Variants in EEFSEC observed in about 807,000 individuals in gnomAD.
The protein encoded by EEFSEC is eukaryotic elongation factor, selenocysteine-tRNA specific.
A neutral mutation model predicts 42.1 loss-of-function variants in EEFSEC; 43 were observed. The ratio of observed to expected loss-of-function variants is 1.02; its 90% CI spans 0.80 to 1.32. The LOEUF is 1.32. Ranked by LOEUF, EEFSEC falls within the 40% of genes most tolerant of loss-of-function variation. The probability of loss-of-function intolerance (pLI) is 0.00; values close to 1 mark genes in which losing one functional copy is unlikely to be tolerated. For missense variants in EEFSEC, 745 were observed against 803.6 expected, an observed-to-expected ratio of 0.93 and a Z score of 0.88; for synonymous variants, 354 against 339.1, an observed-to-expected ratio of 1.04 and a Z score of -0.48.
intron 1 of EEFSEC, among the ~76,000 whole-genome samples, chr3:128,209,264 G>C (rs1411635668): frequency 6.6e-6 from 1 of 152,220 alleles, no homozygotes; most frequent in East Asian, 1.9e-4. Context: ...GTGAGGTACA[G>C]TGTTTGTACT....
At position 128,317,490 on chromosome 3, in the gene EEFSEC, C is replaced by T. The variant is rs2066959874; in HGVS notation, c.787-23743C>T. On this transcript the variant is annotated intron_variant, in intron 4 of 6. Coordinates refer to ENST00000254730, the MANE Select transcript of EEFSEC (RefSeq NM_021937.5). This position sits in a 1 kb window ranked among gnomAD's most constrained non-coding sequence, Gnocchi z 4.1. Reference sequence around the variant, plus strand: ...AGGGCCCCTCTGGGGCTGGCGTCCTCTTCCTGTCATTACAGTTTGCTCCGA... The same window carrying T: ...AGGGCCCCTCTGGGGCTGGCGTCCTTTTCCTGTCATTACAGTTTGCTCCGA... 6.6e-6 allele frequency among the ~76,000 whole-genome samples: 1 copy of T among 152,254 alleles called. No individual in the cohort carries two copies. Among genetic ancestry groups the T allele is most frequent in the East Asian group, 1.9e-4 (1 of 5,198 alleles).
chr3:128,422,236 C>A, the EEFSEC span, among the ~76,000 whole-genome samples: 1 of 152,216 alleles, frequency 6.6e-6, no homozygotes, highest in Non-Finnish European at 1.5e-5. Context: ...CAGGGCAGGA[C>A]TGTCACCTCC....
chr3:128,386,305 G>A (rs2067837344), intron 6 of EEFSEC, among the ~76,000 whole-genome samples: 1 of 152,136 alleles, frequency 6.6e-6, no homozygotes, highest in Non-Finnish European at 1.5e-5. Context: ...ACCCTAGCAG[G>A]CTGCAGGCTA....
At chr3:128,376,225 G>T (rs898086727) in intron 6 of EEFSEC, among the ~76,000 whole-genome samples, 2 of 152,096 alleles carry the variant, frequency 1.3e-5, no homozygotes, top group African/African-American at 4.8e-5. Context: ...TTGGCACCAA[G>T]GATGCACCCT....
the EEFSEC span, among the ~76,000 whole-genome samples, chr3:128,422,156 G>T: frequency 2.6e-5 from 4 of 152,126 alleles, no homozygotes; most frequent in Non-Finnish European, 4.4e-5. Context: ...CAACTGCAGA[G>T]CCTGGGCCAG....
At chr3:128,155,376 G>T (rs1377795232) in intron 1 of EEFSEC, among the ~76,000 whole-genome samples, 1 of 152,122 alleles carries the variant, frequency 6.6e-6, no homozygotes, top group African/African-American at 2.4e-5. Context: ...CTCCCAAAGT[G>T]CTGGGATTAC....
intron 6 of EEFSEC, among the ~76,000 whole-genome samples, chr3:128,395,648 G>A (rs2067972320): frequency 6.6e-6 from 1 of 152,216 alleles, no homozygotes; most frequent in African/African-American, 2.4e-5. Flanking sequence ...CTCCCTCACA[G>A]GGGATCGTGG....
At chr3:128,311,463 T>C (rs911373883) in intron 4 of EEFSEC, among the ~76,000 whole-genome samples, 1 of 152,242 alleles carries the variant, frequency 6.6e-6, no homozygotes, top group East Asian at 1.9e-4. Context: ...CTAATGGGGC[T>C]AGCCCTCTAC....
At chr3:128,403,710 C>G (rs1391981224) in intron 6 of EEFSEC, among the ~76,000 whole-genome samples, 1 of 151,574 alleles carries the variant, frequency 6.6e-6, no homozygotes, top group Non-Finnish European at 1.5e-5. Flanking sequence ...TAGGAATTGT[C>G]ACTCAAATTC....
intron 1 of EEFSEC, among the ~76,000 whole-genome samples, chr3:128,200,624 G>C (rs2065634220): frequency 6.6e-6 from 1 of 152,234 alleles, no homozygotes; most frequent in Non-Finnish European, 1.5e-5. Flanking sequence ...TGTTTTTACA[G>C]ATCCCCAGCC....
intron 1 of EEFSEC, among the ~76,000 whole-genome samples, chr3:128,165,065 A>T (rs1259345178): frequency 6.6e-6 from 1 of 152,184 alleles, no homozygotes; most frequent in Non-Finnish European, 1.5e-5. Flanking sequence ...TTGGAGGGAG[A>T]TGAAAGAATG....
intron 4 of EEFSEC, among the ~76,000 whole-genome samples, chr3:128,284,973 G>C (rs1450609891): frequency 3.3e-5 from 5 of 152,056 alleles, no homozygotes; most frequent in Non-Finnish European, 7.4e-5. Flanking sequence ...CAGGGGAAGA[G>C]GGTAGGGAAT....
chr3:128,340,551 T>A (rs1477945703), intron 4 of EEFSEC, among the ~76,000 whole-genome samples: 1 of 152,160 alleles, frequency 6.6e-6, no homozygotes, highest in Non-Finnish European at 1.5e-5. Context: ...GAACAGTGCC[T>A]GGCACACAAT....
intron 4 of EEFSEC, among the ~76,000 whole-genome samples, chr3:128,328,166 G>C (rs11710627): frequency 0.14 from 21,791 of 152,198 alleles, 1,811 homozygotes; most frequent in African/African-American, 0.23. Flanking sequence ...CTTGCCCACA[G>C]CTCAGAGCTG....
chr3:128,400,458 A>G (rs1280410971), intron 6 of EEFSEC, among the ~76,000 whole-genome samples: 2 of 152,198 alleles, frequency 1.3e-5, no homozygotes, highest in African/African-American at 4.8e-5. Context: ...CCTGCCATTT[A>G]GGCTCCCAGC....
At chr3:128,287,429 A>C (rs979321082) in intron 4 of EEFSEC, among the ~76,000 whole-genome samples, 1 of 152,126 alleles carries the variant, frequency 6.6e-6, no homozygotes. Context: ...TGGGGAGGGG[A>C]TGGAAATCAT....
At chr3:128,293,075 G>T (rs1192687670) in intron 4 of EEFSEC, among the ~76,000 whole-genome samples, 1 of 152,172 alleles carries the variant, frequency 6.6e-6, no homozygotes, top group East Asian at 1.9e-4. Context: ...CTTTGCAAAT[G>T]TTTGAGGATT....
intron 5 of EEFSEC, among the ~76,000 whole-genome samples, chr3:128,345,374 C>T (rs185608846): frequency 1.3e-4 from 20 of 152,304 alleles, no homozygotes; most frequent in African/African-American, 4.8e-4. Context: ...AGGAGCCACA[C>T]AGTTTTGGTT....
chr3:128,197,840 G>A (rs941248071), intron 1 of EEFSEC, among the ~76,000 whole-genome samples: 1 of 152,132 alleles, frequency 6.6e-6, no homozygotes, highest in Non-Finnish European at 1.5e-5. Context: ...TCTTATTTCT[G>A]ATGGGAAGGC....
Sources: gnomAD v4.1 joint callset for allele counts (sites outside exome capture counted in the v4.1 genomes callset) on GRCh38, gnomAD v4.1.1 for gene constraint, Gnocchi (gnomAD v3.1) non-coding constraint, MANE v1.5 for transcripts, NCBI Gene and HGNC (gene_info 2026-07-23, HGNC 2026-07-21) for gene names.